Variants in PSME4 observed in about 807,000 individuals in gnomAD.
PSME4 encodes the protein proteasome activator complex subunit 4.
In PSME4, 89 loss-of-function variants were observed where a neutral mutation model predicts 253.9. The observed-to-expected ratio is 0.35, with a 90% CI of 0.30 to 0.42. The LOEUF is 0.42. PSME4 is among the 10% of genes least tolerant of loss of function. The probability of loss-of-function intolerance (pLI) is 1.00; values close to 1 mark genes in which losing one functional copy is unlikely to be tolerated. For missense variants in PSME4, 2,014 were observed against 2,195.2 expected (o/e 0.92, Z 1.65); for synonymous variants, 851 against 759.2 (o/e 1.12, Z -1.99).
chr2:53,961,254 T>C (rs995843632), intron 1 of PSME4, among the ~76,000 whole-genome samples: 1 of 152,246 alleles, frequency 6.6e-6, no homozygotes, highest in African/African-American at 2.4e-5. Context: ...GTTGCTGTTG[T>C]TGTTTGCTTA....
chr2:53,902,677 G>A (rs1170418537), intron 27 of PSME4, among the ~76,000 whole-genome samples: 1 of 152,140 alleles, frequency 6.6e-6, no homozygotes, highest in East Asian at 1.9e-4. Flanking sequence ...TCTGCACCAG[G>A]GGTCAGCAAA....
chr2:53,942,220 T>C (rs905354285), intron 3 of PSME4: 4 of 152,558 alleles, frequency 2.6e-5, no homozygotes, highest in Non-Finnish European at 5.9e-5. Flanking sequence ...AAGGGAACAA[T>C]GTTTCTGTTT....
intron 4 of PSME4, 36 bp from the exon 5 acceptor site, chr2:53,937,576 T>G (rs1445238522): frequency 6.3e-7 from 1 of 1,591,642 alleles, no homozygotes; most frequent in East Asian, 2.2e-5. Context: ...TATCTGATTA[T>G]TGGCTAAAAG....
intron 35 of PSME4, among the ~76,000 whole-genome samples, 162 bp downstream of exon 35, chr2:53,893,511 AG>A (rs1680005879): frequency 6.6e-6 from 1 of 152,174 alleles, no homozygotes; most frequent in Non-Finnish European, 1.5e-5. Context: ...TGTCTTGTTT[AG>A]GGAATAACGA....
rs187011539 is a variant in PSME4, at chr2:53,954,096, G to A, written c.243-4813C>T. On this transcript the variant is annotated intron_variant, in intron 1 of 46. Coordinates refer to ENST00000404125, the MANE Select transcript of PSME4 (RefSeq NM_014614.3). Reference sequence around the variant, plus strand: ...TGTAATCCCAGCACTTGGGGAGGCCGAGGCAGGCAGATCACGAGGTCAGGA... The same window carrying A: ...TGTAATCCCAGCACTTGGGGAGGCCAAGGCAGGCAGATCACGAGGTCAGGA... 7.3e-3 allele frequency among the ~76,000 whole-genome samples: 1,104 copies of A among 152,120 alleles called. 22 individuals are homozygous for A. The highest frequency in any genetic ancestry group is 0.025 in the African/African-American group (1,053 of 41,498).
At chr2:53,937,740 G>A (rs1385599203) in intron 4 of PSME4, among the ~76,000 whole-genome samples, 200 bp from the exon 5 acceptor site, 1 of 152,126 alleles carries the variant, frequency 6.6e-6, no homozygotes, top group Non-Finnish European at 1.5e-5. Flanking sequence ...GTTCATGCCT[G>A]TAATTCCAGA....
rs147894983 is a variant in PSME4 at position 53,874,403 on chromosome 2, T to C, written c.5036A>G (p.Asn1679Ser). The change falls in exon 43 of 47, where the codon AAT becomes AGT. Residue 1679 changes from asparagine (N) to serine (S), a missense_variant. By Grantham distance (46) the Asn-to-Ser change is conservative. Coordinates refer to ENST00000404125, the MANE Select transcript of PSME4 (RefSeq NM_014614.3). ...VFYNLFIFLNNEDAVKDIRWL... is the reference protein window; with the variant it reads ...VFYNLFIFLNSEDAVKDIRWL... ...CCTGATATCTTTAACTGCATCTTCA[T>C]TGTTTAGGAAAATAAAGAGGTTATA... The C allele has an allele frequency of 2.8e-4, 449 of 1,614,066 alleles. No homozygotes were observed. Among genetic ancestry groups the C allele is most frequent in the Non-Finnish European group, 3.6e-4 (429 of 1,179,954 alleles).
chr2:53,888,596 C>T (rs1679747596), intron 38 of PSME4, 125 bp downstream of exon 38: 1 of 612,316 alleles, frequency 1.6e-6, no homozygotes, highest in Admixed American at 2.6e-5. Context: ...CAGATCACAT[C>T]ACCTTCCAGA....
chr2:53,921,644 G>A (rs575861806), intron 17 of PSME4, among the ~76,000 whole-genome samples: 1,769 of 144,646 alleles, frequency 0.012, 15 homozygotes, highest in Middle Eastern at 0.025. Context: ...CGAGGCGGGC[G>A]GATCACGAGG....
intron 41 of PSME4, among the ~76,000 whole-genome samples, chr2:53,879,763 C>T (rs1679292690): frequency 7.0e-6 from 1 of 142,242 alleles, no homozygotes; most frequent in Non-Finnish European, 1.5e-5. Flanking sequence ...GATCGTGCTA[C>T]TGCACTCCAG....
At chr2:53,892,986 G>A in intron 35 of PSME4, 26 bp from the exon 36 acceptor site, 1 of 1,585,394 alleles carries the variant, frequency 6.3e-7, no homozygotes, top group Non-Finnish European at 8.6e-7. Flanking sequence ...CTGTTCTTCA[G>A]TACTCAAATG....
At position 53,899,231 on chromosome 2, in the gene PSME4, A is replaced by C. The variant is rs1680278493; in HGVS notation, c.3422+650T>G. 1.3e-5 allele frequency among the ~76,000 whole-genome samples: 2 copies of C among 151,656 alleles called. 1 individual carries two copies. The highest frequency in any genetic ancestry group is 4.2e-4 in the South Asian group (2 of 4,790). On this transcript the variant is annotated intron_variant, in intron 29 of 46. Transcript: ENST00000404125. Reference sequence around the variant, plus strand: ...AGGCGCGTGCCACCATGCCAGGCTAAATTTTTGTTTTTTTTGTATAGACAG... The same window carrying C: ...AGGCGCGTGCCACCATGCCAGGCTACATTTTTGTTTTTTTTGTATAGACAG...
intron 43 of PSME4, among the ~76,000 whole-genome samples, chr2:53,871,283 G>A (rs1396560922): frequency 2.0e-5 from 3 of 151,512 alleles, no homozygotes; most frequent in South Asian, 2.1e-4. Flanking sequence ...ATGGAGTCTC[G>A]CTCTGTCACC....
At chr2:53,970,338 G>A (rs1415283520) in intron 1 of PSME4, among the ~76,000 whole-genome samples, 1 of 152,208 alleles carries the variant, frequency 6.6e-6, no homozygotes, top group East Asian at 1.9e-4. Flanking sequence ...GGATGGTAAA[G>A]ACCCGGGAAG....
At position 53,970,957 on chromosome 2, in the gene PSME4, C is replaced by G. The variant is rs1211565828; in HGVS notation, c.-173G>C. On this transcript the variant is annotated 5_prime_UTR_variant, in exon 1 of 47. Transcript: ENST00000404125. The stretch of plus-strand genomic sequence containing the variant: ...GGCCGGCGTGCTGCTGGGCCCCACG[C>G]GGCTCTCAGTTCGTTGGCGGCGGCA... 2 of 520,714 alleles carry G rather than the reference C, an allele frequency of 3.8e-6. No individual in the cohort carries two copies. The highest frequency in any genetic ancestry group is 7.2e-5 in the East Asian group (2 of 27,824). 32.3% of individuals were successfully genotyped at this position (520,714 alleles called of 1,614,324 possible). A position where few individuals can be genotyped will look rare whatever the true frequency, so the allele number is the denominator to read the frequency against.
intron 20 of PSME4, among the ~76,000 whole-genome samples, chr2:53,915,886 C>A (rs1668038128): frequency 6.6e-6 from 1 of 152,066 alleles, no homozygotes; most frequent in Non-Finnish European, 1.5e-5. Flanking sequence ...GCCTGGCCAA[C>A]ATGGTGAAAC....
At chr2:53,965,765 G>A (rs944712774) in intron 1 of PSME4, among the ~76,000 whole-genome samples, 1 of 151,802 alleles carries the variant, frequency 6.6e-6, no homozygotes, top group Non-Finnish European at 1.5e-5. Context: ...TGCCTTCCGG[G>A]TTCAAGCAAT....
At chr2:53,934,482 A>T (rs561838101) in intron 8 of PSME4, 123 bp downstream of exon 8, 2 of 973,356 alleles carry the variant, frequency 2.1e-6, no homozygotes, top group East Asian at 2.5e-5. Flanking sequence ...AAATCAGAAA[A>T]TATCCAAGAA....
rs147318851 is a variant in PSME4, at chr2:53,887,962, A to T, written c.4416T>A (p.Leu1472=). 996 of 1,612,920 alleles carry T rather than the reference A, an allele frequency of 6.2e-4. 6 individuals carry two copies. The South Asian group carries it at 7.7e-3, about 12-fold the overall frequency. ...CAGGCACTCTCCATTCTTGCTGGGCAAGGCCACCTTGTAGTACATAAAGTC... is the reference window on the plus strand; with the variant it reads ...CAGGCACTCTCCATTCTTGCTGGGCTAGGCCACCTTGTAGTACATAAAGTC... ...ACRLYVLQGG[L]AQQEWRVPEL... is the part of the protein sequence containing the mutation. The change falls in exon 39 of 47, where the codon CTT becomes CTA. Residue 1472 remains leucine (L), a synonymous_variant. Coordinates refer to ENST00000404125, the MANE Select transcript of PSME4 (RefSeq NM_014614.3).
Sources: allele counts gnomAD v4.1 joint callset (sites outside exome capture counted in the v4.1 genomes callset), GRCh38; gene constraint gnomAD v4.1.1; transcripts MANE v1.5; gene names NCBI Gene and HGNC (gene_info 2026-07-23, HGNC 2026-07-21).